The following GBP5 variants were observed in gnomAD, a reference collection of about 807,000 sequenced individuals.
The protein encoded by GBP5 is guanylate-binding protein 5.
Under a neutral mutation model 58.2 loss-of-function variants are expected in GBP5, and 48 were observed. The ratio of observed to expected loss-of-function variants is 0.83; its 90% CI spans 0.65 to 1.05. GBP5 has a LOEUF of 1.05. Among genes scored for constraint, GBP5 ranks in the 50% least tolerant of loss-of-function variants. The pLI is 0.00. For synonymous variants in GBP5, 248 were observed against 251.8 expected, an observed-to-expected ratio of 0.98 and a Z score of 0.14; for missense variants, 714 against 686.8, an observed-to-expected ratio of 1.04 and a Z score of -0.44.
Position 89,256,528 on chromosome 1 carries a change from A to C in GBP5, c.*4176T>G, listed in dbSNP as rs368980045. 1.3e-5 allele frequency among the ~76,000 whole-genome samples: 2 copies of C among 152,312 alleles called. No homozygotes were observed. The highest frequency in any genetic ancestry group is 3.9e-4 in the East Asian group (2 of 5,190). On this transcript the variant is annotated 3_prime_UTR_variant, in exon 12 of 12. Coordinates refer to ENST00000370459, the MANE Select transcript of GBP5 (RefSeq NM_052942.5). ...TACTCTTCAGTATGTGTCACATTTA[A>C]TAATTTTGAAAAACAGAGAATGGGA...
chr1:89,269,844 G>A (rs557400704), intron 2 of GBP5: 7 of 216,954 alleles, frequency 3.2e-5, no homozygotes, highest in South Asian at 3.2e-4. Context: ...CATTTCCTGC[G>A]TCTAACCTAC....
intron 1 of GBP5, chr1:89,272,221 A>G (rs1373375373): frequency 6.6e-6 from 1 of 152,240 alleles, no homozygotes; most frequent in African/African-American, 2.4e-5. Context: ...AATAATTTGA[A>G]GGCATTTCAA....
chr1:89,266,553 G>C lies in GBP5; in HGVS notation c.661C>G (p.Arg221Gly). 3 of 1,612,608 alleles carry C rather than the reference G, an allele frequency of 1.9e-6. No individual in the cohort carries two copies. Residue 221 changes from arginine to glycine, a missense_variant, in exon 7 of 12, where the codon CGT (arginine) becomes GGT (glycine). Transcript: ENST00000370459. ...GGAAAGAACTTCTGTATACACAGAC[G>C]GGGCAAATTGAAATTTTGAACTCTT... ...DQRVQNFNLP[R>G]LCIQKFFPKK... is the part of the protein sequence containing the mutation.
Position 89,262,314 on chromosome 1 carries a change from C to G in GBP5, c.1553G>C (p.Arg518Thr), listed in dbSNP as rs1650037819. The change falls in exon 11 of 12, where the codon AGG (arginine) becomes ACG (threonine). Residue 518 changes from arginine (R) to threonine (T), a missense_variant. By Grantham distance (71) the Arg-to-Thr change is moderately conservative. Transcript: ENST00000370459. ...QRQNEQMMQERERLHQEQVRQ... is the reference protein window; with the variant it reads ...QRQNEQMMQETERLHQEQVRQ... ...CACTTGTTCCTGATGGAGTCTCTCCCTCTCCTGCATCATTTGCTCGTTCTG... is the reference window on the plus strand; with the variant it reads ...CACTTGTTCCTGATGGAGTCTCTCCGTCTCCTGCATCATTTGCTCGTTCTG... 1 of 1,613,980 alleles carries G rather than the reference C, an allele frequency of 6.2e-7. No individual in the cohort carries two copies. The highest frequency in any genetic ancestry group is 1.1e-5 in the South Asian group (1 of 91,092).
intron 9 of GBP5, 29 bp from the exon 10 acceptor site, chr1:89,262,814 T>A: frequency 7.9e-7 from 1 of 1,258,748 alleles, no homozygotes; most frequent in Non-Finnish European, 1.1e-6. Context: ...TGCAGTTAGA[T>A]GCAGGAAATG....
At position 89,257,563 on chromosome 1, in the gene GBP5, A is replaced by G. The variant is rs1649828666; in HGVS notation, c.*3141T>C. 6.6e-6 allele frequency among the ~76,000 whole-genome samples: 1 copy of G among 152,124 alleles called. No individual in the cohort carries two copies. Among genetic ancestry groups the G allele is most frequent in the Non-Finnish European group, 1.5e-5 (1 of 68,026 alleles). On this transcript the variant is annotated 3_prime_UTR_variant, in exon 12 of 12. Coordinates refer to ENST00000370459, the MANE Select transcript of GBP5 (RefSeq NM_052942.5). ...TATTTAATTTCAATGCTTTAACAAT[A>G]ATAACTTTAATAATGATAACACTAA...
At position 89,266,859 on chromosome 1, in the gene GBP5, A is replaced by G. The variant is rs999410740; in HGVS notation, c.625+98T>C. ...TTTTAGGAGAGCTGGGTGAATATAT[A>G]TATATATAGAAAACCATAAATTTAA... On this transcript the variant is annotated intron_variant, in intron 6 of 11. Coordinates refer to ENST00000370459, the MANE Select transcript of GBP5 (RefSeq NM_052942.5). 27 of 764,540 alleles carry G rather than the reference A, an allele frequency of 3.5e-5. 3 individuals are homozygous for G. Among genetic ancestry groups the G allele is most frequent in the Admixed American group, 8.6e-5 (3 of 34,800 alleles). The allele number at this position is 764,540 out of a possible 1,614,324, so 47.4% of individuals were successfully genotyped here. A position where few individuals can be genotyped will look rare whatever the true frequency, so the allele number is the denominator to read the frequency against.
intron 11 of GBP5, among the ~76,000 whole-genome samples, chr1:89,261,571 G>A (rs566550446): frequency 6.6e-6 from 1 of 152,274 alleles, no homozygotes; most frequent in East Asian, 1.9e-4. Context: ...TGAAAAATGA[G>A]GACACAGTAG....
intron 4 of GBP5, 142 bp downstream of exon 4, chr1:89,268,587 C>T: frequency 1.2e-6 from 1 of 813,976 alleles, no homozygotes; most frequent in South Asian, 1.6e-5. Flanking sequence ...CTTCCAAACT[C>T]TGAATATTAA....
At chr1:89,261,753 A>T (rs1380003711) in intron 11 of GBP5, among the ~76,000 whole-genome samples, 4 of 152,188 alleles carry the variant, frequency 2.6e-5, no homozygotes. Flanking sequence ...CAGAACAGAG[A>T]TGATCAAGGC....
chr1:89,266,484 T>G lies in GBP5; in HGVS notation c.730A>C (p.Lys244Gln). The part of the protein sequence containing the change: ...FIFDLPAHQK[K>Q]LAQLETLPDD... ...GGCAGTGTTTCAAGTTGGGCAAGCT[T>G]TTTTTGGTGAGCAGGTAAGTCAAAG... Residue 244 changes from lysine (K) to glutamine (Q), a missense_variant, in exon 7 of 12, where the codon AAG (lysine) becomes CAG (glutamine). By Grantham distance (53) the Lys-to-Gln change is moderately conservative. Coordinates refer to ENST00000370459, the MANE Select transcript of GBP5 (RefSeq NM_052942.5). 4 of 1,614,152 alleles carry G rather than the reference T, an allele frequency of 2.5e-6. No homozygotes were observed. Among genetic ancestry groups the G allele is most frequent in the Non-Finnish European group, 2.5e-6 (3 of 1,180,000 alleles).
chr1:89,272,846 G>A lies in GBP5; in HGVS notation c.-522C>T, dbSNP rs1357858673. ...GAAAGAACAAAGGTTCCACAGCCTGGAGGGTGACCTCAGTGGGTTGCCACT... is the reference window on the plus strand; with the variant it reads ...GAAAGAACAAAGGTTCCACAGCCTGAAGGGTGACCTCAGTGGGTTGCCACT... On this transcript the variant is annotated 5_prime_UTR_variant, in exon 1 of 12. Transcript: ENST00000370459. 1 of 152,850 alleles carries A rather than the reference G, an allele frequency of 6.5e-6. No individual in the cohort carries two copies. 9.5% of individuals were successfully genotyped at this position (152,850 alleles called of 1,614,324 possible). A position where few individuals can be genotyped will look rare whatever the true frequency, so the allele number is the denominator to read the frequency against.
At chr1:89,262,527 C>CCA in intron 10 of GBP5, 126 bp from the exon 11 acceptor site, 1 of 952,850 alleles carries the variant, frequency 1.0e-6, no homozygotes, top group Non-Finnish European at 1.6e-6. Context: ...TTCCAGGTAA[C>CCA]CACAATGCAG....
Position 89,268,872 on chromosome 1 carries a change from A to G in GBP5, c.191-16T>C, listed in dbSNP as rs1281862169. The G allele has an allele frequency of 6.2e-7, 1 of 1,612,178 alleles. No homozygotes were observed. Among genetic ancestry groups the G allele is most frequent in the Admixed American group, 1.7e-5 (1 of 59,560 alleles). ...ACAGAGAAGCCTGTCAGGGGGAGTG[A>G]GAGGTTGTAATAGAAGAGAAACTCT... On this transcript the variant is annotated splice_polypyrimidine_tract_variant and intron_variant, in intron 3 of 11. Coordinates refer to ENST00000370459, the MANE Select transcript of GBP5 (RefSeq NM_052942.5).
Position 89,267,036 on chromosome 1 carries a change from A to G in GBP5, c.546T>C (p.Asp182=). 1.2e-6 allele frequency: 2 copies of G among 1,612,324 alleles called. No individual in the cohort carries two copies. Among genetic ancestry groups the G allele is most frequent in the Non-Finnish European group, 1.7e-6 (2 of 1,179,668 alleles). The stretch of plus-strand genomic sequence containing the variant: ...CATCTATTTCCAGGCCTAAGCAGAA[A>G]TCTCTCAGAGTCCACACTAAGTCTG... ...FFPDLVWTLR[D]FCLGLEIDGQ... Residue 182 remains aspartate (D), a synonymous_variant, in exon 6 of 12, where the codon GAT becomes GAC. Transcript: ENST00000370459.
At chr1:89,268,201 T>C (rs1464784531) in intron 4 of GBP5, among the ~76,000 whole-genome samples, 1 of 152,230 alleles carries the variant, frequency 6.6e-6, no homozygotes, top group East Asian at 1.9e-4. Context: ...CTACAAATCA[T>C]GGTTGTTTTT....
At chr1:89,265,342 T>C (rs2100721314) in intron 7 of GBP5, among the ~76,000 whole-genome samples, 1 of 151,872 alleles carries the variant, frequency 6.6e-6, no homozygotes, top group East Asian at 1.9e-4. Context: ...CAGCTTTCTG[T>C]TCTCTTCAGA....
At position 89,256,759 on chromosome 1, in the gene GBP5, C is replaced by G. The variant is rs980030523; in HGVS notation, c.*3945G>C. On this transcript the variant is annotated 3_prime_UTR_variant, in exon 12 of 12. Transcript: ENST00000370459. ...ATATTTTATCAATTTGGGTGTGGTT[C>G]CTTTTTCTTATTTTAGTGTATTGTG... is the stretch of plus-strand genomic sequence containing the variant. Among the ~76,000 whole-genome samples the G allele has an allele frequency of 5.3e-5, 8 of 152,094 alleles. No homozygotes were observed. In the East Asian group the frequency reaches 1.5e-3, roughly 29 times the overall value.
At chr1:89,267,846 AG>A (rs1650288970) in intron 4 of GBP5, among the ~76,000 whole-genome samples, 1 of 152,208 alleles carries the variant, frequency 6.6e-6, no homozygotes, top group Non-Finnish European at 1.5e-5. Context: ...TTGAATAACC[AG>A]TATCAATAAT....
Sources: allele counts gnomAD v4.1 joint callset (sites outside exome capture counted in the v4.1 genomes callset), GRCh38; gene constraint gnomAD v4.1.1; transcripts MANE v1.5; gene names NCBI Gene and HGNC (gene_info 2026-07-23, HGNC 2026-07-21).